The following ONECUT2 variants were observed in gnomAD, a reference collection of about 807,000 sequenced individuals.
ONECUT2 encodes the protein one cut homeobox 2, also known as one cut domain family member 2.
ONECUT2 carries 10 observed loss-of-function variants against 27.9 expected under a neutral mutation model. The ratio of observed to expected loss-of-function variants is 0.36; its 90% CI spans 0.22 to 0.61. The LOEUF is 0.61. Among genes scored for constraint, ONECUT2 ranks in the 20% least tolerant of loss-of-function variants. ONECUT2 has a pLI of 0.73. For missense variants in ONECUT2, 686 were observed against 721.0 expected, an observed-to-expected ratio of 0.95 and a Z score of 0.56; for synonymous variants, 334 against 315.1, an observed-to-expected ratio of 1.06 and a Z score of -0.64.
chr18:57,435,762 GA>G lies in ONECUT2; in HGVS notation c.48del (p.Gly17AlafsTer4). 1 of 1,269,418 alleles carries G rather than the reference GA, an allele frequency of 7.9e-7. No individual in the cohort carries two copies. The highest frequency in any genetic ancestry group is 1.3e-5 in the South Asian group (1 of 75,818). The allele number at this position is 1,269,418 out of a possible 1,614,324, so 78.6% of individuals were successfully genotyped here. A position where few individuals can be genotyped will look rare whatever the true frequency, so the allele number is the denominator to read the frequency against. On this transcript the variant is annotated frameshift_variant, in exon 1 of 2. Transcript: ENST00000491143. LOFTEE classifies it high-confidence loss of function. ...TAYRCLTKDL[E>X]GCAMNPELTM... ...CTATCGATGCCTCACCAAAGACCTA[GA>G]AGGCTGCGCCATGAACCCGGAGCTG...
intron 1 of ONECUT2, among the ~76,000 whole-genome samples, chr18:57,442,701 A>G (rs1476777599): frequency 6.6e-6 from 1 of 152,108 alleles, no homozygotes; most frequent in Non-Finnish European, 1.5e-5. Flanking sequence ...AGAGGATAGA[A>G]TCATAGACTC....
At chr18:57,469,959 A>T (rs1390715516) in intron 1 of ONECUT2, among the ~76,000 whole-genome samples, 2 of 152,320 alleles carry the variant, frequency 1.3e-5, no homozygotes, top group East Asian at 3.9e-4. Context: ...CTTACAGTAC[A>T]TTTGACTCAC....
Position 57,476,533 on chromosome 18 carries a change from T to G in ONECUT2, c.1325T>G (p.Phe442Cys). The change falls in exon 2 of 2, where the codon TTC (phenylalanine) becomes TGC (cysteine). Residue 442 changes from phenylalanine (F) to cysteine (C), a missense_variant. Physicochemically the swap from Phe to Cys is radical, Grantham distance 205. Coordinates refer to ENST00000491143, the MANE Select transcript of ONECUT2 (RefSeq NM_004852.3). Reference sequence around the variant, plus strand: ...ACTGACCTCCAACGCCGAACACTCTTCGCCATCTTCAAGGAGAACAAACGC... The same window carrying G: ...ACTGACCTCCAACGCCGAACACTCTGCGCCATCTTCAAGGAGAACAAACGC... The part of the protein sequence containing the change: ...VFTDLQRRTL[F>C]AIFKENKRPS... The G allele has an allele frequency of 6.2e-7, 1 of 1,614,180 alleles. No individual in the cohort carries two copies. Among genetic ancestry groups the G allele is most frequent in the Non-Finnish European group, 8.5e-7 (1 of 1,180,034 alleles).
rs146079894 is a variant in ONECUT2, at chr18:57,438,896, A to AT, written c.1228+1956dup. ...TGGAGACTGGCTGACAGTTCTTAAC[A>AT]TTTTGTCATAGATCCCCCCGAATGT... On this transcript the variant is annotated intron_variant, in intron 1 of 1. Coordinates refer to ENST00000491143, the MANE Select transcript of ONECUT2 (RefSeq NM_004852.3). Among the ~76,000 whole-genome samples the AT allele has an allele frequency of 6.6e-3, 1,000 of 152,142 alleles. 14 individuals carry two copies. Among genetic ancestry groups the AT allele is most frequent in the African/African-American group, 0.023 (941 of 41,496 alleles).
chr18:57,440,344 C>A (rs72930576), intron 1 of ONECUT2, among the ~76,000 whole-genome samples: 29,918 of 152,210 alleles, frequency 0.2, 4,878 homozygotes, highest in East Asian at 0.45. Context: ...CTAGAACTTG[C>A]ACGGGCATCC....
intron 1 of ONECUT2, among the ~76,000 whole-genome samples, chr18:57,462,784 T>C (rs1238466892): frequency 2.8e-5 from 4 of 141,560 alleles, no homozygotes; most frequent in Admixed American, 7.7e-5. Context: ...CAGGCTGGAG[T>C]GCAATGGCCC....
At chr18:57,439,634 A>G (rs2050162949) in intron 1 of ONECUT2, among the ~76,000 whole-genome samples, 1 of 152,174 alleles carries the variant, frequency 6.6e-6, no homozygotes, top group Non-Finnish European at 1.5e-5. Flanking sequence ...TGGAGAAGAA[A>G]AGCGGAGGCT....
chr18:57,437,185 A>C, intron 1 of ONECUT2, among the ~76,000 whole-genome samples: 1 of 128,412 alleles, frequency 7.8e-6, no homozygotes, highest in Non-Finnish European at 1.6e-5. Context: ...CTGAGCTTTC[A>C]TTGACCGACC....
At position 57,464,898 on chromosome 18, in the gene ONECUT2, A is replaced by G. The variant is rs142480182; in HGVS notation, c.1229-11539A>G. On this transcript the variant is annotated intron_variant, in intron 1 of 1. Transcript: ENST00000491143. ...GATTAAATTCTTAGTAAGCTAGAGT[A>G]TGTCTTCAAGTTATTTTCATAGAAA... is the stretch of plus-strand genomic sequence containing the variant. Among the ~76,000 whole-genome samples, 113 of 152,328 alleles carry G rather than the reference A, an allele frequency of 7.4e-4. 1 individual carries two copies. In the East Asian group the frequency reaches 0.02, roughly 27 times the overall value.
intron 1 of ONECUT2, chr18:57,467,262 C>G (rs747683253): frequency 2.3e-6 from 1 of 439,814 alleles, no homozygotes; most frequent in African/African-American, 2.0e-5. Context: ...TTGTCAAGAC[C>G]AGCTTCGACA....
rs779215744 is a variant in ONECUT2, at chr18:57,436,313, C to T, written c.597C>T (p.Arg199=). The stretch of plus-strand genomic sequence containing the variant: ...TCAGCGGCAGCTTCACCCTCATGCG[C>T]GACGAGCGCGGGCTCCCGGCCATGA... The part of the protein sequence containing the change: ...GNVSGSFTLM[R]DERGLPAMNN... The change falls in exon 1 of 2, where the codon CGC becomes CGT. Residue 199 remains arginine, a synonymous_variant. Coordinates refer to ENST00000491143, the MANE Select transcript of ONECUT2 (RefSeq NM_004852.3). The surrounding 1 kb of genome is among the most constrained non-coding windows in gnomAD (Gnocchi z 5.9). The T allele has an allele frequency of 2.1e-5, 33 of 1,603,986 alleles. No individual in the cohort carries two copies. The East Asian group carries it at 5.8e-4, about 28-fold the overall frequency.
intron 1 of ONECUT2, among the ~76,000 whole-genome samples, chr18:57,469,977 CA>C (rs2050344433): frequency 6.6e-6 from 1 of 152,206 alleles, no homozygotes; most frequent in Non-Finnish European, 1.5e-5. Context: ...CACCCCTGGG[CA>C]GGAAGGCAAA....
At position 57,458,190 on chromosome 18, in the gene ONECUT2, ATTAT is replaced by A. The variant is rs932800685; in HGVS notation, c.1229-18243_1229-18240del. Among the ~76,000 whole-genome samples the A allele has an allele frequency of 5.3e-5, 8 of 152,236 alleles. No homozygotes were observed. The East Asian group carries it at 5.8e-4, about 11-fold the overall frequency. On this transcript the variant is annotated intron_variant, in intron 1 of 1. Transcript: ENST00000491143. ...TTTGCTTTTATTAAAATTATTTTTA[ATTAT>A]TTAAGCAATGCATTAAAACATTCTA...
Position 57,439,213 on chromosome 18 carries a change from G to A in ONECUT2, c.1228+2269G>A, listed in dbSNP as rs1006243441. ...CCAAGCGTTGCTGAGATGAGAAAGC[G>A]TGGCATCCCGGGGGTCCTCAGCCCC... is the stretch of plus-strand genomic sequence containing the variant. On this transcript the variant is annotated intron_variant, in intron 1 of 1. Transcript: ENST00000491143. Among the ~76,000 whole-genome samples, 3 of 152,236 alleles carry A rather than the reference G, an allele frequency of 2.0e-5. No homozygotes were observed. In the East Asian group the frequency reaches 5.8e-4, roughly 29 times the overall value.
chr18:57,448,695 T>A (rs945041099), intron 1 of ONECUT2, among the ~76,000 whole-genome samples: 2 of 152,262 alleles, frequency 1.3e-5, no homozygotes, highest in African/African-American at 4.8e-5. Context: ...TTTATATGCA[T>A]CACTGCATCT....
Position 57,476,845 on chromosome 18 carries a change from A to G in ONECUT2, c.*122A>G. ...CCCTTCACTGGTGATTTGAAAGCAC[A>G]ATTCTCTTGCAAAGAAACTTATATT... On this transcript the variant is annotated 3_prime_UTR_variant, in exon 2 of 2. Coordinates refer to ENST00000491143, the MANE Select transcript of ONECUT2 (RefSeq NM_004852.3). The G allele has an allele frequency of 9.1e-7, 1 of 1,103,774 alleles. No individual in the cohort carries two copies. Among genetic ancestry groups the G allele is most frequent in the Non-Finnish European group, 1.3e-6 (1 of 786,808 alleles). The allele number at this position is 1,103,774 out of a possible 1,614,324, so 68.4% of individuals were successfully genotyped here. A position where few individuals can be genotyped will look rare whatever the true frequency, so the allele number is the denominator to read the frequency against.
chr18:57,447,561 G>C (rs369172619), intron 1 of ONECUT2, among the ~76,000 whole-genome samples: 20 of 152,260 alleles, frequency 1.3e-4, no homozygotes, highest in African/African-American at 4.3e-4. Flanking sequence ...ACCACCGCTG[G>C]GGGGCGGGGG....
At position 57,487,207 on chromosome 18, in the gene ONECUT2, AG is replaced by A. The variant is rs1397356096; in HGVS notation, c.*10485del. The stretch of plus-strand genomic sequence containing the variant: ...AATGAGTCACATTGAATTGGGTTCC[AG>A]CTTTATAATGAGAAACGTTATTCCT... On this transcript the variant is annotated 3_prime_UTR_variant, in exon 2 of 2. Coordinates refer to ENST00000491143, the MANE Select transcript of ONECUT2 (RefSeq NM_004852.3). 6.6e-6 allele frequency: 1 copy of A among 152,620 alleles called. No individual in the cohort carries two copies. The highest frequency in any genetic ancestry group is 2.4e-5 in the African/African-American group (1 of 41,470). The allele number at this position is 152,620 out of a possible 1,614,324, so 9.5% of individuals were successfully genotyped here. A position where few individuals can be genotyped will look rare whatever the true frequency, so the allele number is the denominator to read the frequency against.
chr18:57,469,080 T>C (rs1468513275), intron 1 of ONECUT2, among the ~76,000 whole-genome samples: 1 of 152,208 alleles, frequency 6.6e-6, no homozygotes, highest in East Asian at 1.9e-4. Context: ...GTGAACCTAC[T>C]TTTGTAATTG....
Sources: allele counts gnomAD v4.1 joint callset (sites outside exome capture counted in the v4.1 genomes callset), GRCh38; gene constraint gnomAD v4.1.1; non-coding constraint Gnocchi (gnomAD v3.1); transcripts MANE v1.5; gene names NCBI Gene and HGNC (gene_info 2026-07-23, HGNC 2026-07-21).